CSMD1: variants seen among roughly 807,000 people sequenced by gnomAD.
CSMD1 encodes the protein CUB and sushi domain-containing protein 1.
CSMD1 carries 213 observed loss-of-function variants against 417.5 expected under a neutral mutation model. The ratio of observed to expected loss-of-function variants is 0.51; its 90% confidence interval spans 0.46 to 0.57. CSMD1 has a LOEUF of 0.57. Among genes scored for constraint, CSMD1 ranks in the 20% least tolerant of loss-of-function variants. The pLI is 0.00. For missense variants in CSMD1, 6,923 were observed against 4,529.7 expected (o/e 1.53, Z -15.17); for synonymous variants, 2,862 against 1,736.8 (o/e 1.65, Z -16.11).
rs143299182 is a variant in CSMD1, at chr8:3,575,598, C to T, written c.1223-532G>A. On this transcript the variant is annotated intron_variant, in intron 9 of 69. Coordinates refer to ENST00000635120, the MANE Select transcript of CSMD1 (RefSeq NM_033225.6). ...TTTTGGAGCAGATGATCTCCAAAGT[C>T]ACTTTCGAGCTTTAGATTCTATTCT... 2.8e-3 allele frequency among the ~76,000 whole-genome samples: 431 copies of T among 152,282 alleles called. 4 individuals carry two copies. Among genetic ancestry groups the T allele is most frequent in the African/African-American group, 0.01 (416 of 41,564 alleles).
intron 26 of CSMD1, among the ~76,000 whole-genome samples, chr8:3,242,158 T>C (rs1799579223): frequency 6.6e-6 from 1 of 151,894 alleles, no homozygotes; most frequent in Non-Finnish European, 1.5e-5. Context: ...AGTAAATTGC[T>C]GGGCAGGTGG....
chr8:4,695,946 C>A (rs7011905), intron 1 of CSMD1, among the ~76,000 whole-genome samples: 14,905 of 152,122 alleles, frequency 0.098, 1,249 homozygotes, highest in African/African-American at 0.23. Flanking sequence ...ACATGAAAGC[C>A]GGCTGTGGTT....
At chr8:3,326,687 C>T (rs1806553742) in intron 23 of CSMD1, among the ~76,000 whole-genome samples, 1 of 152,142 alleles carries the variant, frequency 6.6e-6, no homozygotes, top group South Asian at 2.1e-4. Flanking sequence ...TAATAAATTT[C>T]CTCTTAGGTA....
intron 1 of CSMD1, among the ~76,000 whole-genome samples, chr8:4,965,516 A>G (rs1031121585): frequency 2.6e-4 from 39 of 152,190 alleles, no homozygotes; most frequent in Non-Finnish European, 2.9e-5. Context: ...TCACTTCGCA[A>G]TGGGGCATGT....
At chr8:3,896,020 G>A (rs1012453746) in intron 5 of CSMD1, among the ~76,000 whole-genome samples, 2 of 152,168 alleles carry the variant, frequency 1.3e-5, no homozygotes, top group Non-Finnish European at 2.9e-5. Context: ...GTTTCTTCCA[G>A]AAAAAGAAAG....
chr8:3,989,767 T>C (rs1410325583), intron 5 of CSMD1, among the ~76,000 whole-genome samples: 3 of 152,216 alleles, frequency 2.0e-5, no homozygotes, highest in East Asian at 1.9e-4. Flanking sequence ...TCTAGGCCAC[T>C]ACTCATTTAA....
At chr8:3,046,380 C>T (rs950715266) in intron 50 of CSMD1, among the ~76,000 whole-genome samples, 3 of 152,152 alleles carry the variant, frequency 2.0e-5, no homozygotes, top group African/African-American at 7.2e-5. Context: ...GTTCCTTCCA[C>T]CCTACAGTGT....
intron 1 of CSMD1, among the ~76,000 whole-genome samples, chr8:4,885,015 T>G (rs931959401): frequency 1.3e-5 from 2 of 152,132 alleles, no homozygotes; most frequent in Non-Finnish European, 2.9e-5. Context: ...CTTCTTTAAT[T>G]CTTTTAAACA....
intron 3 of CSMD1, among the ~76,000 whole-genome samples, chr8:4,278,070 A>G (rs1361010295): frequency 1.3e-5 from 2 of 152,190 alleles, no homozygotes; most frequent in Admixed American, 6.5e-5. Flanking sequence ...TTTAAATACA[A>G]TAATTAAAAT....
At chr8:3,050,817 A>C (rs1233590836) in intron 50 of CSMD1, among the ~76,000 whole-genome samples, 1 of 152,204 alleles carries the variant, frequency 6.6e-6, no homozygotes, top group Non-Finnish European at 1.5e-5. Flanking sequence ...GTTAGTTTAA[A>C]ATTTTTAACA....
At chr8:4,164,787 A>C (rs560476219) in intron 3 of CSMD1, among the ~76,000 whole-genome samples, 1 of 152,096 alleles carries the variant, frequency 6.6e-6, no homozygotes, top group South Asian at 2.1e-4. Flanking sequence ...GAGGCAGGAG[A>C]ATGGCGTGAA....
intron 2 of CSMD1, among the ~76,000 whole-genome samples, chr8:4,437,689 T>A (rs968688019): frequency 6.6e-6 from 1 of 152,298 alleles, no homozygotes; most frequent in South Asian, 2.1e-4. Context: ...TATAAGACCT[T>A]TAGCATAGAA....
At chr8:4,043,722 G>C (rs530484527) in intron 3 of CSMD1, among the ~76,000 whole-genome samples, 2 of 152,072 alleles carry the variant, frequency 1.3e-5, no homozygotes, top group Non-Finnish European at 2.9e-5. Flanking sequence ...CTTAAAATAA[G>C]ATTTATTACT....
At chr8:3,282,997 G>T (rs752186424) in intron 26 of CSMD1, among the ~76,000 whole-genome samples, 1 of 152,028 alleles carries the variant, frequency 6.6e-6, no homozygotes, top group Non-Finnish European at 1.5e-5. Flanking sequence ...GCACTAAAAG[G>T]CTGAACTGCC....
chr8:3,757,784 G>C (rs150669616), intron 5 of CSMD1, among the ~76,000 whole-genome samples: 6,384 of 151,996 alleles, frequency 0.042, 165 homozygotes, highest in African/African-American at 0.062. Context: ...GGGAGGCAGA[G>C]GTTGCAGTGA....
At position 3,279,959 on chromosome 8, in the gene CSMD1, C is replaced by T. The variant is rs368798499; in HGVS notation, c.4153+4185G>A. 1.6e-4 allele frequency among the ~76,000 whole-genome samples: 24 copies of T among 152,266 alleles called. No homozygotes were observed. The East Asian group carries it at 4.3e-3, about 27-fold the overall frequency. ...GTGAGATTTGGGTGGGGACGTAGAA[C>T]CTAACCGTATCAGGAAGGTTACTTG... On this transcript the variant is annotated intron_variant, in intron 26 of 69. Transcript: ENST00000635120.
chr8:4,824,005 G>T (rs1799667259), intron 1 of CSMD1, among the ~76,000 whole-genome samples: 1 of 150,948 alleles, frequency 6.6e-6, no homozygotes, highest in Admixed American at 6.6e-5. Context: ...TACAATCATG[G>T]ACACACACAT....
chr8:4,898,400 T>G (rs1370002311), intron 1 of CSMD1, among the ~76,000 whole-genome samples: 1 of 152,144 alleles, frequency 6.6e-6, no homozygotes, highest in Non-Finnish European at 1.5e-5. Context: ...GTACTAGCAA[T>G]TCAGGCCACA....
intron 5 of CSMD1, among the ~76,000 whole-genome samples, chr8:3,978,977 G>A (rs968872300): frequency 3.3e-5 from 5 of 152,204 alleles, no homozygotes; most frequent in African/African-American, 9.6e-5. Flanking sequence ...CCTCCTAGAA[G>A]CTTGCATTTT....
Sources: gnomAD v4.1 joint callset for allele counts (sites outside exome capture counted in the v4.1 genomes callset) on GRCh38, gnomAD v4.1.1 for gene constraint, MANE v1.5 for transcripts, NCBI Gene and HGNC (gene_info 2026-07-23, HGNC 2026-07-21) for gene names.